The following SMCHD1 variants were observed in gnomAD, a reference collection of about 807,000 sequenced individuals.
The protein encoded by SMCHD1 is structural maintenance of chromosomes flexible hinge domain containing 1.
In SMCHD1, 78 loss-of-function variants were observed where a neutral mutation model predicts 254.7. The ratio of observed to expected loss-of-function variants is 0.31; its 90% CI spans 0.26 to 0.37. The LOEUF is 0.37. Among genes scored for constraint, SMCHD1 ranks in the 10% least tolerant of loss-of-function variants. The pLI, the probability that SMCHD1 is intolerant of heterozygous loss-of-function variation, is 1.00. For synonymous variants in SMCHD1, 766 were observed against 794.9 expected, an observed-to-expected ratio of 0.96 and a Z score of 0.61; for missense variants, 1,840 against 2,408.1, an observed-to-expected ratio of 0.76 and a Z score of 4.94.
At chr18:2,708,348 G>A in intron 17 of SMCHD1, among the ~76,000 whole-genome samples, 1 of 152,036 alleles carries the variant, frequency 6.6e-6, no homozygotes, top group South Asian at 2.1e-4. Context: ...TTCTGGGTGA[G>A]CCTTGCCTTT....
intron 44 of SMCHD1, among the ~76,000 whole-genome samples, chr18:2,781,614 TTAA>T (rs2076157866): frequency 6.6e-6 from 1 of 152,114 alleles, no homozygotes; most frequent in East Asian, 1.9e-4. Context: ...AATATCTATA[TTAA>T]TAGTTGATTA....
In SMCHD1 at chr18:2,761,178, G is replaced by A. The variant is rs191390632; in HGVS notation, c.4434+439G>A. On this transcript the variant is annotated intron_variant, in intron 35 of 47. Transcript: ENST00000320876. ...ATTAAGAAACTAAAAACCAAATACT[G>A]CATGTTCTCCCTTGCAAGTGGGAGC... Among the ~76,000 whole-genome samples the A allele has an allele frequency of 4.6e-5, 7 of 152,314 alleles. No homozygotes were observed. The East Asian group carries it at 1.2e-3, about 25-fold the overall frequency.
At chr18:2,772,415 A>C in intron 41 of SMCHD1, 43 bp downstream of exon 41, 1 of 1,461,028 alleles carries the variant, frequency 6.8e-7, no homozygotes, top group East Asian at 2.6e-5. Flanking sequence ...ACATTTTATT[A>C]TCTTGTTTGT....
intron 30 of SMCHD1, among the ~76,000 whole-genome samples, chr18:2,747,948 CAA>C (rs1409462085): frequency 6.6e-6 from 1 of 152,036 alleles, no homozygotes; most frequent in African/African-American, 2.4e-5. Flanking sequence ...TTAACACTGA[CAA>C]AGTGAATGAA....
intron 5 of SMCHD1, among the ~76,000 whole-genome samples, chr18:2,687,681 T>A (rs995361114): frequency 2.0e-5 from 3 of 152,370 alleles, no homozygotes; most frequent in Middle Eastern, 3.4e-3. Flanking sequence ...GTGCCAGATA[T>A]TTTCCTTTGG....
intron 2 of SMCHD1, 97 bp downstream of exon 2, chr18:2,666,329 T>A (rs1038064979): frequency 1.7e-6 from 1 of 582,010 alleles, no homozygotes; most frequent in East Asian, 3.1e-5. Flanking sequence ...CTAAATCTGT[T>A]GATGACTTTT....
chr18:2,737,230 G>A (rs953472883), intron 25 of SMCHD1, among the ~76,000 whole-genome samples: 2 of 152,088 alleles, frequency 1.3e-5, no homozygotes, highest in African/African-American at 4.8e-5. Flanking sequence ...CCAAAAAAGG[G>A]GAGGGTAATA....
chr18:2,720,398 A>G lies in SMCHD1; in HGVS notation c.2458+1964A>G, dbSNP rs550434376. ...AGTATCTTTATTCTCTGAGGATATT[A>G]ATAATAGTGGGGGTTTTTCTTACAG... is the stretch of plus-strand genomic sequence containing the variant. On this transcript the variant is annotated intron_variant, in intron 19 of 47. Transcript: ENST00000320876. Among the ~76,000 whole-genome samples the G allele has an allele frequency of 4.6e-5, 7 of 152,270 alleles. No individual in the cohort carries two copies. In the East Asian group the frequency reaches 1.3e-3, roughly 29 times the overall value.
chr18:2,743,154 T>G (rs2075383240), intron 28 of SMCHD1, among the ~76,000 whole-genome samples: 1 of 152,188 alleles, frequency 6.6e-6, no homozygotes, highest in African/African-American at 2.4e-5. Context: ...TTGCAAAGAT[T>G]ATAGGCTAGT....
chr18:2,748,738 A>G (rs1041316576), intron 30 of SMCHD1, among the ~76,000 whole-genome samples: 23 of 151,948 alleles, frequency 1.5e-4, no homozygotes, highest in African/African-American at 5.1e-4. Flanking sequence ...GGTTGAAGGG[A>G]ATTCATTGGT....
intron 11 of SMCHD1, 35 bp downstream of exon 11, chr18:2,700,694 A>G (rs751154338): frequency 1.2e-6 from 2 of 1,603,490 alleles, no homozygotes; most frequent in Non-Finnish European, 1.7e-6. Context: ...ATGTTTTTAC[A>G]ACTTAATTCT....
intron 47 of SMCHD1, among the ~76,000 whole-genome samples, chr18:2,798,420 G>A (rs1482960932): frequency 6.6e-6 from 1 of 152,182 alleles, no homozygotes; most frequent in Non-Finnish European, 1.5e-5. Flanking sequence ...GTAACTTTTA[G>A]AAATTATGAG....
In SMCHD1 at chr18:2,718,082, C is replaced by G; in HGVS notation, c.2261-76C>G. The G allele has an allele frequency of 1.8e-6, 2 of 1,113,334 alleles. No individual in the cohort carries two copies. Among genetic ancestry groups the G allele is most frequent in the South Asian group, 2.9e-5 (2 of 70,130 alleles). The allele number at this position is 1,113,334 out of a possible 1,614,324, so 69.0% of individuals were successfully genotyped here. On this transcript the variant is annotated intron_variant, in intron 17 of 47. Transcript: ENST00000320876. The surrounding 1 kb of genome is among the most constrained non-coding windows in gnomAD (Gnocchi z 4.6). ...AAATACAGCAAATAGGTATTTGGTGCCAATGTGACATTGCGTATTTCATGT... is the reference window on the plus strand; with the variant it reads ...AAATACAGCAAATAGGTATTTGGTGGCAATGTGACATTGCGTATTTCATGT...
chr18:2,745,837 A>T (rs1402129210), intron 29 of SMCHD1, among the ~76,000 whole-genome samples: 2 of 152,216 alleles, frequency 1.3e-5, no homozygotes, highest in African/African-American at 2.4e-5. Flanking sequence ...GTCTCTTGAG[A>T]TATGGTTATA....
rs141044695 is a variant in SMCHD1 at position 2,740,115 on chromosome 18, A to G, written c.3515-588A>G. On this transcript the variant is annotated intron_variant, in intron 27 of 47. Coordinates refer to ENST00000320876, the MANE Select transcript of SMCHD1 (RefSeq NM_015295.3). ...GACTCCCCGACAGGCCCTGGTGTGT[A>G]ATGTTCCCCTCCCTGGGTCCATGTG... Among the ~76,000 whole-genome samples, 211 of 151,498 alleles carry G rather than the reference A, an allele frequency of 1.4e-3. 2 individuals carry two copies. Among genetic ancestry groups the G allele is most frequent in the Admixed American group, 0.013 (197 of 15,214 alleles).
At chr18:2,668,914 T>C (rs545271575) in intron 3 of SMCHD1, among the ~76,000 whole-genome samples, 10 of 152,224 alleles carry the variant, frequency 6.6e-5, no homozygotes, top group Admixed American at 5.9e-4. Context: ...ATATTCTTGA[T>C]TTTTTTCCTT....
chr18:2,793,657 A>C (rs1203004989), intron 45 of SMCHD1, among the ~76,000 whole-genome samples: 1 of 44,342 alleles, frequency 2.3e-5, no homozygotes, highest in Non-Finnish European at 5.3e-5. Context: ...ACTCCGTCTC[A>C]AAAAAAAAAA....
At chr18:2,662,933 G>A (rs530174273) in intron 1 of SMCHD1, among the ~76,000 whole-genome samples, 1 of 152,060 alleles carries the variant, frequency 6.6e-6, no homozygotes, top group South Asian at 2.1e-4. Flanking sequence ...CTTTTTTTCA[G>A]TCATATCAGC....
At chr18:2,741,009 T>C (rs2075339312) in intron 28 of SMCHD1, among the ~76,000 whole-genome samples, 188 bp downstream of exon 28, 1 of 152,228 alleles carries the variant, frequency 6.6e-6, no homozygotes, top group Non-Finnish European at 1.5e-5. Flanking sequence ...TGAGTATTTC[T>C]TGTGTTCCCA....
Sources: allele counts gnomAD v4.1 joint callset (sites outside exome capture counted in the v4.1 genomes callset), GRCh38; gene constraint gnomAD v4.1.1; non-coding constraint Gnocchi (gnomAD v3.1); transcripts MANE v1.5; gene names NCBI Gene and HGNC (gene_info 2026-07-23, HGNC 2026-07-21).